Variants in RXRA observed in about 807,000 individuals in gnomAD.
RXRA encodes retinoic acid receptor RXR-alpha.
A neutral mutation model predicts 44.5 loss-of-function variants in RXRA; 5 were observed. The observed-to-expected ratio is 0.11, with a 90% confidence interval of 0.06 to 0.24. RXRA has a LOEUF of 0.24. Ranked by LOEUF, RXRA falls within the 10% of genes least tolerant of loss-of-function variation. The probability of loss-of-function intolerance (pLI) is 1.00; values close to 1 mark genes in which losing one functional copy is unlikely to be tolerated. For missense variants in RXRA, 412 were observed against 646.5 expected (o/e 0.64, Z 3.93); for synonymous variants, 291 against 271.4 (o/e 1.07, Z -0.71).
intron 1 of RXRA, among the ~76,000 whole-genome samples, chr9:134,373,611 C>T (rs1830517177): frequency 6.6e-6 from 1 of 152,216 alleles, no homozygotes; most frequent in Non-Finnish European, 1.5e-5. Context: ...TCTGTCCCAT[C>T]CCCCAGCTAT....
At chr9:134,394,441 C>T (rs1292079106) in intron 1 of RXRA, among the ~76,000 whole-genome samples, 2 of 152,132 alleles carry the variant, frequency 1.3e-5, no homozygotes. Context: ...AGTTTGAGGT[C>T]AGTCAAGACT....
intron 1 of RXRA, among the ~76,000 whole-genome samples, chr9:134,329,268 G>A (rs1054834407): frequency 6.6e-6 from 1 of 152,142 alleles, no homozygotes; most frequent in Non-Finnish European, 1.5e-5. Flanking sequence ...AGCACATTCC[G>A]GGGCCTCCCG....
chr9:134,380,214 C>G (rs978784907), intron 1 of RXRA: 4 of 981,360 alleles, frequency 4.1e-6, no homozygotes, highest in Non-Finnish European at 4.8e-6. Context: ...GGTGGCGTGC[C>G]GGCCCCGTGA....
At chr9:134,402,694 G>C (rs1784402636) in intron 2 of RXRA, 1 of 152,116 alleles carries the variant, frequency 6.6e-6, no homozygotes, top group African/African-American at 2.4e-5. Flanking sequence ...GGAGGGCGAG[G>C]CTGGGCCTCG....
chr9:134,381,240 C>T (rs749443728), intron 1 of RXRA, among the ~76,000 whole-genome samples: 8 of 152,112 alleles, frequency 5.3e-5, no homozygotes, highest in South Asian at 2.1e-4. Flanking sequence ...TATGGGAGTG[C>T]GTGGCCAGGT....
At chr9:134,430,145 C>G (rs895761412) in intron 7 of RXRA, among the ~76,000 whole-genome samples, 1 of 152,234 alleles carries the variant, frequency 6.6e-6, no homozygotes, top group African/African-American at 2.4e-5. Context: ...CTCGGCCTCC[C>G]AAAGTGCTGG....
intron 1 of RXRA, among the ~76,000 whole-genome samples, chr9:134,383,832 G>A (rs1830680839): frequency 6.6e-6 from 1 of 152,198 alleles, no homozygotes; most frequent in South Asian, 2.1e-4. Flanking sequence ...TTATCCAGGT[G>A]TGGTTCCAGG....
chr9:134,421,769 C>A lies in RXRA; in HGVS notation c.874C>A (p.Leu292Met), dbSNP rs1327291347. ...CAAGCGGATCCCACACTTCTCAGAG[C>A]TGCCCCTGGACGACCAGGTCATCCT... ...WAKRIPHFSE[L>M]PLDDQVILLR... The change falls in exon 6 of 10, where the codon CTG becomes ATG. Residue 292 changes from leucine (L) to methionine (M), a missense_variant. Around this residue, in one of 4 missense-constraint regions of RXRA, gnomAD observed 141 missense variants for 270.8 expected, o/e 0.52. Transcript: ENST00000481739. 6.2e-7 allele frequency: 1 copy of A among 1,611,718 alleles called. No individual in the cohort carries two copies. The highest frequency in any genetic ancestry group is 2.2e-5 in the East Asian group (1 of 44,796).
chr9:134,432,323 G>A (rs1831545617), intron 8 of RXRA, among the ~76,000 whole-genome samples: 1 of 152,240 alleles, frequency 6.6e-6, no homozygotes, highest in Non-Finnish European at 1.5e-5. Context: ...GTGGCCAGCT[G>A]TGGTTGTGAA....
chr9:134,399,987 C>T (rs1830934365), intron 1 of RXRA, among the ~76,000 whole-genome samples: 1 of 152,236 alleles, frequency 6.6e-6, no homozygotes, highest in Non-Finnish European at 1.5e-5. Flanking sequence ...CAGAGGTGGG[C>T]ACAGGGTGGC....
chr9:134,416,392 G>A (rs1411876872), intron 4 of RXRA, among the ~76,000 whole-genome samples: 2 of 152,212 alleles, frequency 1.3e-5, no homozygotes, highest in African/African-American at 2.4e-5. Context: ...CTGCCTGCAA[G>A]CATCGCTCTA....
At chr9:134,375,874 A>G (rs1264261106) in intron 1 of RXRA, among the ~76,000 whole-genome samples, 1 of 151,796 alleles carries the variant, frequency 6.6e-6, no homozygotes, top group Non-Finnish European at 1.5e-5. Context: ...CAAACAACAA[A>G]CACCACGTGC....
intron 1 of RXRA, among the ~76,000 whole-genome samples, chr9:134,360,750 A>G (rs1057449711): frequency 7.2e-5 from 11 of 152,180 alleles, no homozygotes; most frequent in Non-Finnish European, 1.6e-4. Context: ...ATCTCCTGGA[A>G]TAAAGAGCCC....
intron 1 of RXRA, among the ~76,000 whole-genome samples, chr9:134,398,487 C>G: frequency 6.6e-6 from 1 of 152,066 alleles, no homozygotes; most frequent in East Asian, 1.9e-4. Flanking sequence ...AGAAAACACA[C>G]CCAGCCTATT....
At chr9:134,356,839 C>T (rs1463850330) in intron 1 of RXRA, among the ~76,000 whole-genome samples, 1 of 152,210 alleles carries the variant, frequency 6.6e-6, no homozygotes. Context: ...GCCCCAGCCT[C>T]ACCCTGCCTG....
rs1831100440 is a variant in RXRA at position 134,408,884 on chromosome 9, G to GGGCTCCCTGCCGGGGCGGTGGGTGCTC, written c.431-55_431-29dup. ...GTAGTGGCGGCGTTGGATGGGGGGT[G>GGGCTCCCTGCCGGGGCGGTGGGTGCTC]GGCTCCCTGCCGGGGCGGTGGGTGC... On this transcript the variant is annotated intron_variant, in intron 3 of 9. Transcript: ENST00000481739. 28 of 1,427,280 alleles carry GGGCTCCCTGCCGGGGCGGTGGGTGCTC rather than the reference G, an allele frequency of 2.0e-5. 1 individual carries two copies. The Admixed American group carries it at 5.1e-4, about 26-fold the overall frequency. The allele number at this position is 1,427,280 out of a possible 1,614,324, so 88.4% of individuals were successfully genotyped here. A position where few individuals can be genotyped will look rare whatever the true frequency, so the allele number is the denominator to read the frequency against.
chr9:134,350,268 G>A (rs980308752), intron 1 of RXRA, among the ~76,000 whole-genome samples: 1 of 152,174 alleles, frequency 6.6e-6, no homozygotes, highest in Admixed American at 6.5e-5. Context: ...GGCTGGGGCC[G>A]CGGAGTGGCC....
intron 1 of RXRA, among the ~76,000 whole-genome samples, chr9:134,344,911 G>A (rs1490298909): frequency 2.0e-5 from 3 of 152,240 alleles, no homozygotes; most frequent in South Asian, 2.1e-4. Context: ...CCCTGTGCCT[G>A]GTGTGGACCC....
At chr9:134,409,164 A>G in intron 4 of RXRA, 45 bp downstream of exon 4, 1 of 1,490,728 alleles carries the variant, frequency 6.7e-7, no homozygotes, top group Non-Finnish European at 9.0e-7. Flanking sequence ...TGTTGGACAA[A>G]CAGTGGGGCC....
Sources: allele counts gnomAD v4.1 joint callset (sites outside exome capture counted in the v4.1 genomes callset), GRCh38; gene constraint gnomAD v4.1.1; regional missense constraint gnomAD v4.1.1; transcripts MANE v1.5; gene names NCBI Gene and HGNC (gene_info 2026-07-23, HGNC 2026-07-21).